NKAIN3: variants seen among roughly 807,000 people sequenced by gnomAD.
NKAIN3 encodes sodium/potassium-transporting ATPase subunit beta-1-interacting protein 3.
Under a neutral mutation model 30.2 loss-of-function variants are expected in NKAIN3, and 25 were observed. The observed-to-expected ratio is 0.83, with a 90% CI of 0.60 to 1.16. The LOEUF (loss-of-function observed/expected upper bound fraction) is 1.16, where lower values mean the gene tolerates loss of function less well. Ranked by LOEUF, NKAIN3 falls within the 50% of genes most tolerant of loss-of-function variation. The pLI is 0.00. For missense variants in NKAIN3, 225 were observed against 254.1 expected (o/e 0.89, Z 0.78); for synonymous variants, 91 against 89.6 (o/e 1.02, Z -0.09).
chr8:62,327,690 C>T lies in NKAIN3; in HGVS notation c.54+78563C>T, dbSNP rs562035188. Among the ~76,000 whole-genome samples the T allele has an allele frequency of 5.9e-5, 9 of 152,088 alleles. No individual in the cohort carries two copies. In the East Asian group the frequency reaches 1.7e-3, roughly 29 times the overall value. Reference sequence around the variant, plus strand: ...AAATGCACTGTTTTGATTACCATAGCTTTGTAGTAAGTTTTGAAATCAGGA... The same window carrying T: ...AAATGCACTGTTTTGATTACCATAGTTTTGTAGTAAGTTTTGAAATCAGGA... On this transcript the variant is annotated intron_variant, in intron 1 of 6. Coordinates refer to ENST00000623646, the MANE Select transcript of NKAIN3 (RefSeq NM_001304533.3).
At chr8:62,639,227 G>T (rs1812229585) in intron 3 of NKAIN3, among the ~76,000 whole-genome samples, 1 of 152,122 alleles carries the variant, frequency 6.6e-6, no homozygotes, top group Non-Finnish European at 1.5e-5. Flanking sequence ...AGCTTCCAGT[G>T]AGATATAAGG....
chr8:62,301,525 C>T (rs1814050311), intron 1 of NKAIN3, among the ~76,000 whole-genome samples: 2 of 152,044 alleles, frequency 1.3e-5, no homozygotes, highest in Non-Finnish European at 2.9e-5. Flanking sequence ...TTTGCCCAAA[C>T]CCAGTGATTG....
At chr8:62,349,840 G>A (rs766953506) in intron 1 of NKAIN3, among the ~76,000 whole-genome samples, 7 of 152,160 alleles carry the variant, frequency 4.6e-5, no homozygotes, top group Non-Finnish European at 7.4e-5. Flanking sequence ...GTGAAGCCTT[G>A]TTTCATCTCT....
intron 5 of NKAIN3, among the ~76,000 whole-genome samples, chr8:62,997,293 G>A (rs1379974261): frequency 1.3e-5 from 2 of 152,098 alleles, no homozygotes; most frequent in African/African-American, 4.8e-5. Flanking sequence ...AATAAAGACA[G>A]GCAGGTGATA....
At chr8:62,613,685 T>G (rs1354068565) in intron 3 of NKAIN3, among the ~76,000 whole-genome samples, 6 of 152,118 alleles carry the variant, frequency 3.9e-5, no homozygotes, top group African/African-American at 1.4e-4. Flanking sequence ...TTCTAGATTG[T>G]TTAGGCATGT....
chr8:62,527,035 C>T (rs1483302376), intron 1 of NKAIN3, among the ~76,000 whole-genome samples: 1 of 152,180 alleles, frequency 6.6e-6, no homozygotes, highest in African/African-American at 2.4e-5. Context: ...ATTCTCACAT[C>T]AGCATCTATA....
intron 1 of NKAIN3, among the ~76,000 whole-genome samples, chr8:62,578,402 C>T (rs2130054482): frequency 6.6e-6 from 1 of 152,142 alleles, no homozygotes; most frequent in Non-Finnish European, 1.5e-5. Context: ...GTCTGGTATT[C>T]TAAAAGGATG....
rs142282907 is a variant in NKAIN3, at chr8:62,466,880, A to G, written c.55-112659A>G. Reference sequence around the variant, plus strand: ...TGAGAGTTAAATAAATTGAAAAGGCATTACTACTGCTCTTAAAAAAAAAGA... The same window carrying G: ...TGAGAGTTAAATAAATTGAAAAGGCGTTACTACTGCTCTTAAAAAAAAAGA... On this transcript the variant is annotated intron_variant, in intron 1 of 6. Coordinates refer to ENST00000623646, the MANE Select transcript of NKAIN3 (RefSeq NM_001304533.3). 1.8e-3 allele frequency among the ~76,000 whole-genome samples: 281 copies of G among 152,206 alleles called. 1 individual carries two copies. Among genetic ancestry groups the G allele is most frequent in the Middle Eastern group, 6.8e-3 (2 of 294 alleles).
intron 4 of NKAIN3, among the ~76,000 whole-genome samples, chr8:62,793,056 A>G (rs1252855211): frequency 1.3e-5 from 2 of 152,082 alleles, no homozygotes; most frequent in Non-Finnish European, 2.9e-5. Flanking sequence ...TCAGAGATGC[A>G]AAATACTACA....
intron 4 of NKAIN3, among the ~76,000 whole-genome samples, chr8:62,897,753 C>T (rs1379327915): frequency 1.3e-5 from 2 of 152,138 alleles, no homozygotes; most frequent in African/African-American, 4.8e-5. Context: ...AGTGACTTCT[C>T]ACTCTCATGG....
intron 3 of NKAIN3, among the ~76,000 whole-genome samples, chr8:62,711,963 T>C (rs1814736123): frequency 6.6e-6 from 1 of 152,224 alleles, no homozygotes; most frequent in African/African-American, 2.4e-5. Context: ...CCTTTTCCTA[T>C]GGATGTGGCT....
intron 3 of NKAIN3, among the ~76,000 whole-genome samples, chr8:62,610,061 G>T (rs186209258): frequency 8.8e-4 from 134 of 152,148 alleles, no homozygotes; most frequent in Non-Finnish European, 1.6e-3. Flanking sequence ...AAACAAAGGT[G>T]GTGGCCAGGT....
At chr8:62,769,901 A>G (rs747116981) in intron 4 of NKAIN3, among the ~76,000 whole-genome samples, 19 of 152,144 alleles carry the variant, frequency 1.2e-4, no homozygotes, top group Non-Finnish European at 7.3e-5. Flanking sequence ...GTGGGCCCCA[A>G]TTAACTTTCT....
chr8:62,725,339 G>A (rs1815220191), intron 3 of NKAIN3, among the ~76,000 whole-genome samples: 2 of 152,032 alleles, frequency 1.3e-5, no homozygotes, highest in South Asian at 4.1e-4. Flanking sequence ...CTTAACTGTT[G>A]ATTGTTTCAT....
chr8:62,680,881 T>A (rs928644659), intron 3 of NKAIN3, among the ~76,000 whole-genome samples: 1 of 152,232 alleles, frequency 6.6e-6, no homozygotes, highest in Admixed American at 6.5e-5. Flanking sequence ...CAATTGGTAT[T>A]GTACAGGAAA....
chr8:62,888,864 G>A (rs115544699), intron 4 of NKAIN3, among the ~76,000 whole-genome samples: 2,912 of 152,146 alleles, frequency 0.019, 85 homozygotes, highest in African/African-American at 0.067. Context: ...AATGAGTTAT[G>A]TATTTATGTG....
intron 1 of NKAIN3, among the ~76,000 whole-genome samples, chr8:62,456,445 T>C (rs1001245283): frequency 1.3e-5 from 2 of 151,112 alleles, no homozygotes; most frequent in Non-Finnish European, 2.9e-5. Flanking sequence ...CGTGAACCTG[T>C]GAGGCAGAGC....
chr8:62,859,507 C>CAAAAAAAAAAAAAAAAAAAAAAAAAAAA (rs1563597734), intron 4 of NKAIN3, among the ~76,000 whole-genome samples: 1 of 9,932 alleles, frequency 1.0e-4, no homozygotes, highest in Non-Finnish European at 4.0e-4. Context: ...CTTACTTCAA[C>CAAAAAAAAAAAAAAAAAAAAAAAAAAAA]TAAAAAAAAA....
intron 3 of NKAIN3, among the ~76,000 whole-genome samples, chr8:62,605,846 A>G (rs1811109223): frequency 6.6e-6 from 1 of 152,098 alleles, no homozygotes; most frequent in Non-Finnish European, 1.5e-5. Context: ...CTGAGGAACA[A>G]TTGTAATAGA....
Sources: allele counts gnomAD v4.1 joint callset (sites outside exome capture counted in the v4.1 genomes callset), GRCh38; gene constraint gnomAD v4.1.1; transcripts MANE v1.5; gene names NCBI Gene and HGNC (gene_info 2026-07-23, HGNC 2026-07-21).